Variants in SLC17A5 observed in about 807,000 individuals in gnomAD.
SLC17A5 encodes the protein solute carrier family 17 member 5, also known as sialin.
A neutral mutation model predicts 59.4 loss-of-function variants in SLC17A5; 47 were observed. The observed-to-expected ratio is 0.79, with a 90% confidence interval of 0.63 to 1.01. SLC17A5 has a LOEUF of 1.01. SLC17A5 is among the 50% of genes least tolerant of loss of function. The pLI is 0.00. For synonymous variants in SLC17A5, 202 were observed against 210.7 expected, an observed-to-expected ratio of 0.96 and a Z score of 0.36; for missense variants, 522 against 595.5, an observed-to-expected ratio of 0.88 and a Z score of 1.28.
At chr6:73,642,921 TC>T (rs1769355294) in intron 2 of SLC17A5, among the ~76,000 whole-genome samples, 1 of 152,194 alleles carries the variant, frequency 6.6e-6, no homozygotes, top group African/African-American at 2.4e-5. Context: ...AGCAGTATTG[TC>T]CCTGAAGGTC....
intron 9 of SLC17A5, among the ~76,000 whole-genome samples, chr6:73,601,375 G>T (rs1184381451): frequency 2.1e-5 from 3 of 143,426 alleles, no homozygotes; most frequent in Admixed American, 7.0e-5. Context: ...AGTGAGGAGC[G>T]TCTCCGCCCG....
intron 6 of SLC17A5, among the ~76,000 whole-genome samples, chr6:73,632,853 G>T (rs1424253787): frequency 6.6e-6 from 1 of 152,008 alleles, no homozygotes. Flanking sequence ...TCAATGTTGA[G>T]AAAATGACAA....
intron 7 of SLC17A5, 89 bp from the exon 8 acceptor site, chr6:73,615,536 A>ATCACC: frequency 7.9e-7 from 1 of 1,262,690 alleles, no homozygotes; most frequent in Non-Finnish European, 1.1e-6. Flanking sequence ...CCACCACTTG[A>ATCACC]AAGCAAAGGA....
At chr6:73,609,915 G>A (rs776187890) in intron 9 of SLC17A5, among the ~76,000 whole-genome samples, 4 of 152,264 alleles carry the variant, frequency 2.6e-5, no homozygotes, top group East Asian at 1.9e-4. Context: ...TACAGTTTCT[G>A]TTGAGAAGAT....
chr6:73,652,892 T>C (rs1026298862), intron 1 of SLC17A5: 2 of 269,744 alleles, frequency 7.4e-6, no homozygotes, highest in Non-Finnish European at 1.1e-5. Flanking sequence ...TTTGAAACTA[T>C]AGAATGCATT....
Position 73,653,688 on chromosome 6 carries a change from G to C in SLC17A5, c.94+105C>G, listed in dbSNP as rs1013849464. On this transcript the variant is annotated intron_variant, in intron 1 of 10. Transcript: ENST00000355773. Reference sequence around the variant, plus strand: ...TGTCCCCTCGCGCCTGAGCAGCTCCGGTCCCGCCGGCGCAGGGTGCGGGTA... The same window carrying C: ...TGTCCCCTCGCGCCTGAGCAGCTCCCGTCCCGCCGGCGCAGGGTGCGGGTA... 9.8e-6 allele frequency: 12 copies of C among 1,229,818 alleles called. No individual in the cohort carries two copies. The Admixed American group carries it at 2.3e-4, about 23-fold the overall frequency. 76.2% of individuals were successfully genotyped at this position (1,229,818 alleles called of 1,614,324 possible).
intron 1 of SLC17A5, among the ~76,000 whole-genome samples, chr6:73,652,228 T>G (rs985783211): frequency 5.3e-5 from 8 of 152,182 alleles, no homozygotes; most frequent in Non-Finnish European, 1.0e-4. Flanking sequence ...TACCATAAGA[T>G]CCATACACTC....
chr6:73,641,493 G>A (rs1215260875), intron 3 of SLC17A5, among the ~76,000 whole-genome samples, 198 bp downstream of exon 3: 1 of 152,104 alleles, frequency 6.6e-6, no homozygotes. Flanking sequence ...ATTTCGGGGT[G>A]CTCCTACTAG....
chr6:73,631,997 G>A (rs891295170), intron 6 of SLC17A5, among the ~76,000 whole-genome samples: 2 of 115,130 alleles, frequency 1.7e-5, no homozygotes, highest in East Asian at 2.0e-4. Context: ...CAACTATAAC[G>A]TCATGTGCTT....
At chr6:73,632,646 T>C (rs1302741700) in intron 6 of SLC17A5, among the ~76,000 whole-genome samples, 1 of 151,516 alleles carries the variant, frequency 6.6e-6, no homozygotes, top group Non-Finnish European at 1.5e-5. Flanking sequence ...TCTCGTCATG[T>C]TGCCCAGGCT....
intron 9 of SLC17A5, among the ~76,000 whole-genome samples, chr6:73,601,716 CGCCCCGTCCGGG>C (rs1767116698): frequency 8.6e-6 from 1 of 116,738 alleles, no homozygotes; most frequent in African/African-American, 3.5e-5. Context: ...CCCGGCCAGC[CGCCCCGTCCGGG>C]AGGTGAGGGG....
Position 73,635,424 on chromosome 6 carries a change from G to T in SLC17A5, c.777C>A (p.Ser259=). Residue 259 remains serine (S), a synonymous_variant, in exon 6 of 11, where the codon TCC becomes TCA. Coordinates refer to ENST00000355773, the MANE Select transcript of SLC17A5 (RefSeq NM_012434.5). ...SDTPQKHKRI[S]HYEKEYILSS... is the part of the protein sequence containing the mutation. Reference sequence around the variant, plus strand: ...AAAGAATGTATTCCTTTTCATAATGGGAAATTCTCTTGTGTTTTTGTGGTG... The same window carrying T: ...AAAGAATGTATTCCTTTTCATAATGTGAAATTCTCTTGTGTTTTTGTGGTG... 1.2e-6 allele frequency: 2 copies of T among 1,608,080 alleles called. No homozygotes were observed. The highest frequency in any genetic ancestry group is 1.1e-5 in the South Asian group (1 of 90,648).
chr6:73,653,643 T>C, intron 1 of SLC17A5, 150 bp downstream of exon 1: 2 of 974,954 alleles, frequency 2.1e-6, no homozygotes, highest in Non-Finnish European at 3.0e-6. Context: ...AGCGGCACTC[T>C]GAACGGGCTC....
intron 1 of SLC17A5, among the ~76,000 whole-genome samples, chr6:73,647,697 G>A (rs755514753): frequency 6.6e-5 from 10 of 152,302 alleles, no homozygotes; most frequent in Admixed American, 2.0e-4. Flanking sequence ...CAAATTACTC[G>A]TGGTATTACT....
chr6:73,608,411 A>C (rs1767494309), intron 9 of SLC17A5, among the ~76,000 whole-genome samples: 1 of 152,112 alleles, frequency 6.6e-6, no homozygotes, highest in African/African-American at 2.4e-5. Context: ...GCTGGCAATC[A>C]TTTCATTGTG....
intron 10 of SLC17A5, among the ~76,000 whole-genome samples, chr6:73,598,587 C>T (rs765525383): frequency 2.6e-5 from 4 of 151,932 alleles, no homozygotes; most frequent in Non-Finnish European, 1.5e-5. Context: ...GCTGAGATCA[C>T]GCCACTGCCC....
At chr6:73,607,211 T>C (rs748899090) in intron 9 of SLC17A5, among the ~76,000 whole-genome samples, 11 of 152,226 alleles carry the variant, frequency 7.2e-5, no homozygotes, top group Non-Finnish European at 1.5e-4. Context: ...AACGATCTTA[T>C]AAGGTAGGTA....
chr6:73,647,608 G>A (rs980760458), intron 1 of SLC17A5, among the ~76,000 whole-genome samples: 7 of 151,914 alleles, frequency 4.6e-5, no homozygotes, highest in African/African-American at 1.7e-4. Flanking sequence ...TGCTTTATTG[G>A]GACTATGATA....
In SLC17A5 at chr6:73,600,381, C is replaced by T. The variant is rs373258092; in HGVS notation, c.1320G>A (p.Gly440=). 3.1e-6 allele frequency: 5 copies of T among 1,613,900 alleles called. No individual in the cohort carries two copies. The African/African-American group carries it at 6.7e-5, about 22-fold the overall frequency. The change falls in exon 10 of 11, where the codon GGG becomes GGA. Residue 440 remains glycine (G), a synonymous_variant. Transcript: ENST00000355773. ...NTFATIPGMV[G]PVIAKSLTPD... ...GGGTCAGACTTTTAGCAATGACGGG[C>T]CCAACCATTCCTGGAATAGTGGCAA...
Sources: allele counts gnomAD v4.1 joint callset (sites outside exome capture counted in the v4.1 genomes callset), GRCh38; gene constraint gnomAD v4.1.1; transcripts MANE v1.5; gene names NCBI Gene and HGNC (gene_info 2026-07-23, HGNC 2026-07-21).